The following ANKRD36B variants were observed in gnomAD, a reference collection of about 807,000 sequenced individuals.
ANKRD36B encodes the protein ankyrin repeat domain-containing protein 36B.
Under a neutral mutation model 135.7 loss-of-function variants are expected in ANKRD36B, and 37 were observed. The ratio of observed to expected loss-of-function variants is 0.27; its 90% CI spans 0.21 to 0.36. ANKRD36B has a LOEUF of 0.36. Among genes scored for constraint, ANKRD36B ranks in the 10% least tolerant of loss-of-function variants. The pLI is 1.00. For synonymous variants in ANKRD36B, 179 were observed against 348.1 expected (o/e 0.51, Z 5.41); for missense variants, 549 against 1,037.1 (o/e 0.53, Z 6.46).
rs569627414 is a variant in ANKRD36B at position 97,554,831 on chromosome 2, G to A, written c.1171+229C>T. On this transcript the variant is annotated intron_variant, in intron 14 of 43. Coordinates refer to ENST00000359901, the MANE Select transcript of ANKRD36B (RefSeq NM_001393939.1). ...CTTATGTCTTGATCTGCTCTCCAAT[G>A]TTTCTTCTTCCCAATTTCAATGTGG... Among the ~76,000 whole-genome samples, 44 of 151,970 alleles carry A rather than the reference G, an allele frequency of 2.9e-4. 1 individual carries two copies. The South Asian group carries it at 8.9e-3, about 31-fold the overall frequency.
intron 35 of ANKRD36B, among the ~76,000 whole-genome samples, chr2:97,527,712 CT>C (rs1371340842): frequency 2.1e-5 from 2 of 95,532 alleles, no homozygotes; most frequent in African/African-American, 6.3e-5. Flanking sequence ...GGAGGAAGAT[CT>C]ACCAAGCAAA....
intron 6 of ANKRD36B, among the ~76,000 whole-genome samples, chr2:97,565,201 C>T (rs1240676064): frequency 1.3e-5 from 2 of 152,070 alleles, no homozygotes; most frequent in South Asian, 2.1e-4. Flanking sequence ...GAATTTTGCA[C>T]ATTGACTTTG....
chr2:97,563,790 A>C (rs7583589), intron 6 of ANKRD36B, among the ~76,000 whole-genome samples: 84,597 of 151,912 alleles, frequency 0.56, 25,176 homozygotes, highest in Non-Finnish European at 0.67. Context: ...TAGGATTTCC[A>C]ATACTTCTGT....
chr2:97,553,226 C>G lies in ANKRD36B; in HGVS notation c.1215G>C (p.Glu405Asp). Residue 405 changes from glutamate (E) to aspartate (D), a missense_variant, in exon 16 of 44, where the codon GAG (glutamate) becomes GAC (aspartate). Transcript: ENST00000359901. ...TGGCTATATTAGAAACAGAACCTTC[C>G]TCGTCAGTTGTAGCCTGAATGGAAT... ...KQQALKATTD[E>D]EGSVSNIATE... 6.2e-7 allele frequency: 1 copy of G among 1,610,804 alleles called. No homozygotes were observed. Among genetic ancestry groups the G allele is most frequent in the Non-Finnish European group, 8.5e-7 (1 of 1,178,700 alleles).
intron 6 of ANKRD36B, among the ~76,000 whole-genome samples, chr2:97,567,210 C>T (rs1372847545): frequency 6.6e-6 from 1 of 151,046 alleles, no homozygotes; most frequent in East Asian, 2.0e-4. Context: ...GGCACTCACC[C>T]TCTGGGAACA....
In ANKRD36B at chr2:97,531,967, G is replaced by A. The variant is rs201315366; in HGVS notation, c.2265+344C>T. On this transcript the variant is annotated intron_variant, in intron 35 of 43. Transcript: ENST00000359901. ...TACTCCTTTAATCTGAATCCAGTAC[G>A]GTGGTCATCACTGTTAAATTGTTCA... 7.6e-3 allele frequency among the ~76,000 whole-genome samples: 726 copies of A among 95,032 alleles called. 230 individuals are homozygous for A. In the East Asian group the frequency reaches 0.084, roughly 11 times the overall value. 62.3% of individuals were successfully genotyped at this position (95,032 alleles called of 152,430 possible).
chr2:97,551,391 T>C, intron 17 of ANKRD36B, 30 bp from the exon 18 acceptor site: 1 of 1,604,088 alleles, frequency 6.2e-7, no homozygotes, highest in African/African-American at 1.3e-5. Flanking sequence ...AAATAATAAA[T>C]AAGGTATGTT....
chr2:97,547,824 C>T, intron 20 of ANKRD36B, 93 bp from the exon 21 acceptor site: 1 of 1,497,068 alleles, frequency 6.7e-7, no homozygotes. Flanking sequence ...CTCTGTCTTC[C>T]TGCCTGTATT....
At chr2:97,496,771 G>A (rs1194884826) in intron 43 of ANKRD36B, among the ~76,000 whole-genome samples, 3 of 76,100 alleles carry the variant, frequency 3.9e-5, no homozygotes, top group African/African-American at 1.6e-4. Flanking sequence ...TCCAGAAAAC[G>A]TGTGTGTGTG....
intron 14 of ANKRD36B, among the ~76,000 whole-genome samples, 170 bp downstream of exon 14, chr2:97,554,890 C>T (rs1214670917): frequency 6.6e-6 from 1 of 151,828 alleles, no homozygotes; most frequent in African/African-American, 2.4e-5. Context: ...AGATCATGTC[C>T]AAGACCAGCA....
rs564965384 is a variant in ANKRD36B, at chr2:97,529,959, C to G, written c.2265+2352G>C. Among the ~76,000 whole-genome samples, 40 of 96,032 alleles carry G rather than the reference C, an allele frequency of 4.2e-4. 5 individuals are homozygous for G. Among genetic ancestry groups the G allele is most frequent in the African/African-American group, 1.2e-3 (38 of 31,930 alleles). The allele number at this position is 96,032 out of a possible 152,430, so 63.0% of individuals were successfully genotyped here. On this transcript the variant is annotated intron_variant, in intron 35 of 43. Coordinates refer to ENST00000359901, the MANE Select transcript of ANKRD36B (RefSeq NM_001393939.1). ...GCTCATGGGTAGGAAGAATCAGTAT[C>G]GTTAAAATGGCCATACTGCCCGAGG...
intron 14 of ANKRD36B, among the ~76,000 whole-genome samples, chr2:97,554,380 T>G (rs2104697111): frequency 6.6e-6 from 1 of 152,092 alleles, no homozygotes; most frequent in South Asian, 2.1e-4. Context: ...GATATATATC[T>G]TATGCCTAAT....
At chr2:97,554,910 T>C in intron 14 of ANKRD36B, 150 bp downstream of exon 14, 1 of 1,014,858 alleles carries the variant, frequency 9.9e-7, no homozygotes, top group East Asian at 2.6e-5. Context: ...AGCATCAGCA[T>C]CACCCGAGAA....
chr2:97,510,946 CTT>C (rs1229422000), intron 39 of ANKRD36B, among the ~76,000 whole-genome samples, 190 bp downstream of exon 39: 1 of 152,064 alleles, frequency 6.6e-6, no homozygotes, highest in Non-Finnish European at 1.5e-5. Flanking sequence ...GACACATTGA[CTT>C]TAATCAGAGG....
intron 20 of ANKRD36B, among the ~76,000 whole-genome samples, chr2:97,548,608 T>C (rs964055987): frequency 2.6e-5 from 4 of 151,930 alleles, no homozygotes; most frequent in Non-Finnish European, 4.4e-5. Context: ...CATGTTGTTC[T>C]CTAAAGAAGT....
rs2077615658 is a variant in ANKRD36B, at chr2:97,513,094, C to G, written c.2805+86G>C. 21 of 1,417,846 alleles carry G rather than the reference C, an allele frequency of 1.5e-5. 1 individual carries two copies. Among genetic ancestry groups the G allele is most frequent in the Non-Finnish European group, 1.8e-5 (20 of 1,088,844 alleles). 87.8% of individuals were successfully genotyped at this position (1,417,846 alleles called of 1,614,324 possible). ...AATAAAATTTGGGGATTGTTCAGGCCTAAATAATATATGTTAAATGAAAGA... is the reference window on the plus strand; with the variant it reads ...AATAAAATTTGGGGATTGTTCAGGCGTAAATAATATATGTTAAATGAAAGA... On this transcript the variant is annotated intron_variant, in intron 38 of 43. Coordinates refer to ENST00000359901, the MANE Select transcript of ANKRD36B (RefSeq NM_001393939.1).
intron 8 of ANKRD36B, 144 bp downstream of exon 8, chr2:97,560,521 T>C: frequency 7.9e-7 from 1 of 1,261,288 alleles, no homozygotes; most frequent in Admixed American, 2.5e-5. Flanking sequence ...CAGAGTCACC[T>C]GAGAACTCAC....
At chr2:97,589,094 C>T (rs1270417417) in intron 1 of ANKRD36B, among the ~76,000 whole-genome samples, 1 of 107,426 alleles carries the variant, frequency 9.3e-6, no homozygotes, top group Non-Finnish European at 2.0e-5. Context: ...GAAAGAAAGT[C>T]CAGCCCCTTT....
At chr2:97,555,452 A>G (rs1249929258) in intron 12 of ANKRD36B, among the ~76,000 whole-genome samples, 198 bp from the exon 13 acceptor site, 1 of 151,896 alleles carries the variant, frequency 6.6e-6, no homozygotes, top group African/African-American at 2.4e-5. Context: ...AACCCTTACA[A>G]TGTCAATCAT....
Sources: gnomAD v4.1 joint callset for allele counts (sites outside exome capture counted in the v4.1 genomes callset) on GRCh38, gnomAD v4.1.1 for gene constraint, MANE v1.5 for transcripts, NCBI Gene and HGNC (gene_info 2026-07-23, HGNC 2026-07-21) for gene names.